The following ABCB1 variants were observed in gnomAD, a reference collection of about 807,000 sequenced individuals.
ABCB1 encodes ATP binding cassette subfamily B member 1.
In ABCB1, 69 loss-of-function variants were observed where a neutral mutation model predicts 142.0. That is an observed-to-expected ratio of 0.49 (90% CI 0.40 to 0.59). ABCB1 has a LOEUF of 0.59. Among genes scored for constraint, ABCB1 ranks in the 20% least tolerant of loss-of-function variants. The pLI, the probability that ABCB1 is intolerant of heterozygous loss-of-function variation, is 0.00. For synonymous variants in ABCB1, 532 were observed against 539.2 expected, an observed-to-expected ratio of 0.99 and a Z score of 0.18; for missense variants, 1,326 against 1,554.7, an observed-to-expected ratio of 0.85 and a Z score of 2.47.
chr7:87,625,982 A>ATATATGTACATATATATG (rs1215638287), intron 1 of ABCB1, among the ~76,000 whole-genome samples: 22 of 146,892 alleles, frequency 1.5e-4, no homozygotes, highest in African/African-American at 5.0e-4. Flanking sequence ...ATATATATAT[A>ATATATGTACATATATATG]TATATGTACA....
intron 1 of ABCB1, among the ~76,000 whole-genome samples, chr7:87,628,257 G>A (rs1038320616): frequency 6.6e-6 from 1 of 152,200 alleles, no homozygotes; most frequent in African/African-American, 2.4e-5. Context: ...CCACGCGTCG[G>A]GGCGGGGCTT....
intron 1 of ABCB1, among the ~76,000 whole-genome samples, chr7:87,681,899 A>C (rs974949153): frequency 6.6e-6 from 1 of 152,140 alleles, no homozygotes; most frequent in African/African-American, 2.4e-5. Context: ...CCTTTCATGA[A>C]AGGTTTCTCT....
At chr7:87,524,485 C>A (rs1328054374) in intron 21 of ABCB1, among the ~76,000 whole-genome samples, 1 of 151,308 alleles carries the variant, frequency 6.6e-6, no homozygotes, top group East Asian at 1.9e-4. Flanking sequence ...ATCGCAAGGA[C>A]AAAAAACCAA....
At chr7:87,659,022 A>C (rs775870814) in intron 1 of ABCB1, among the ~76,000 whole-genome samples, 1 of 152,086 alleles carries the variant, frequency 6.6e-6, no homozygotes, top group Non-Finnish European at 1.5e-5. Flanking sequence ...ACATGGTGAT[A>C]TGCGTCTGTG....
At chr7:87,591,159 T>C (rs1326672806) in intron 3 of ABCB1, among the ~76,000 whole-genome samples, 1 of 151,908 alleles carries the variant, frequency 6.6e-6, no homozygotes, top group African/African-American at 2.4e-5. Context: ...ATGATTGAAG[T>C]AAGAGGTTGG....
intron 1 of ABCB1, among the ~76,000 whole-genome samples, chr7:87,623,074 T>C (rs1471447657): frequency 6.6e-6 from 1 of 152,118 alleles, no homozygotes; most frequent in East Asian, 1.9e-4. Flanking sequence ...ATAATAGATT[T>C]TCTAGCTAAT....
At chr7:87,514,336 G>A (rs1000774866) in intron 25 of ABCB1, among the ~76,000 whole-genome samples, 7 of 152,108 alleles carry the variant, frequency 4.6e-5, no homozygotes, top group African/African-American at 1.7e-4. Flanking sequence ...TAATGAAAAT[G>A]TCTTGCTCTT....
At position 87,522,027 on chromosome 7, in the gene ABCB1, C is replaced by G. The variant is rs1006735052; in HGVS notation, c.2686-1151G>C. 4 of 940,932 alleles carry G rather than the reference C, an allele frequency of 4.3e-6. No individual in the cohort carries two copies. In the African/African-American group the frequency reaches 6.4e-5, roughly 15 times the overall value. 58.3% of individuals were successfully genotyped at this position (940,932 alleles called of 1,614,324 possible). A position where few individuals can be genotyped will look rare whatever the true frequency, so the allele number is the denominator to read the frequency against. On this transcript the variant is annotated intron_variant, in intron 21 of 27. Coordinates refer to ENST00000622132, the MANE Select transcript of ABCB1 (RefSeq NM_001348946.2). ...CTGTCAAAGCAAGAGATGGTGAGTG[C>G]TTCATCCAGCCAAAGAGGCAAAGCA...
At chr7:87,539,441 G>C in intron 18 of ABCB1, 96 bp from the exon 19 acceptor site, 5 of 1,224,912 alleles carry the variant, frequency 4.1e-6, no homozygotes, top group Non-Finnish European at 6.0e-6. Flanking sequence ...ATCAGACAAA[G>C]TCAGAAAGCC....
intron 7 of ABCB1, chr7:87,563,361 A>C: frequency 2.2e-6 from 1 of 454,916 alleles, no homozygotes; most frequent in Non-Finnish European, 4.4e-6. Context: ...ATACAACAAC[A>C]AAAAAACTTT....
rs573094394 is a variant in ABCB1 at position 87,553,796 on chromosome 7, G to A, written c.964C>T (p.Leu322Phe). The A allele has an allele frequency of 1.2e-6, 2 of 1,614,100 alleles. No homozygotes were observed. The highest frequency in any genetic ancestry group is 2.7e-5 in the African/African-American group (2 of 75,020). ...LAFWYGTTLVLSGEYSIGQVL... is the reference protein window; with the variant it reads ...LAFWYGTTLVFSGEYSIGQVL... ...TGTCCAATAGAATATTCCCCTGAGA[G>A]GACCAAGGTGGTCCCATACCAGAAG... is the stretch of plus-strand genomic sequence containing the variant. The change falls in exon 9 of 28, where the codon CTC becomes TTC. Residue 322 changes from leucine (L) to phenylalanine (F), a missense_variant. By Grantham distance (22) the Leu-to-Phe change is conservative. Coordinates refer to ENST00000622132, the MANE Select transcript of ABCB1 (RefSeq NM_001348946.2).
At chr7:87,698,971 C>T (rs544834357) in intron 1 of ABCB1, among the ~76,000 whole-genome samples, 135 of 152,128 alleles carry the variant, frequency 8.9e-4, no homozygotes, top group African/African-American at 3.1e-3. Context: ...TACTAGGGGG[C>T]GATTTTTAAA....
At chr7:87,674,513 G>A (rs1826132284) in intron 1 of ABCB1, among the ~76,000 whole-genome samples, 1 of 152,130 alleles carries the variant, frequency 6.6e-6, no homozygotes, top group African/African-American at 2.4e-5. Flanking sequence ...TACCAGCATG[G>A]GATGGGAGAG....
At chr7:87,547,097 T>C (rs575339416) in intron 14 of ABCB1, among the ~76,000 whole-genome samples, 248 of 152,298 alleles carry the variant, frequency 1.6e-3, no homozygotes, top group African/African-American at 5.7e-3. Flanking sequence ...TCTCTAACCT[T>C]TGTAACTTTC....
At chr7:87,703,315 T>C (rs1263925339) in intron 1 of ABCB1, among the ~76,000 whole-genome samples, 6 of 152,148 alleles carry the variant, frequency 3.9e-5, no homozygotes, top group Non-Finnish European at 8.8e-5. Context: ...TCAAATTAAA[T>C]ATTTTGTAAG....
chr7:87,657,654 A>T (rs769574444), intron 1 of ABCB1, among the ~76,000 whole-genome samples: 1 of 152,068 alleles, frequency 6.6e-6, no homozygotes, highest in African/African-American at 2.4e-5. Flanking sequence ...ATCCAAAAGT[A>T]ATGTGCTGGT....
intron 17 of ABCB1, among the ~76,000 whole-genome samples, chr7:87,541,787 T>C (rs1329081927): frequency 1.3e-5 from 2 of 152,266 alleles, no homozygotes; most frequent in Non-Finnish European, 2.9e-5. Context: ...ACTACATTTA[T>C]GGCAGTTCAT....
At chr7:87,578,920 C>T (rs913159622) in intron 4 of ABCB1, among the ~76,000 whole-genome samples, 10 of 151,956 alleles carry the variant, frequency 6.6e-5, no homozygotes, top group Non-Finnish European at 1.0e-4. Context: ...GTCTCGATCT[C>T]CTGACCTCGT....
intron 4 of ABCB1, among the ~76,000 whole-genome samples, 181 bp downstream of exon 4, chr7:87,585,331 G>A (rs1818694754): frequency 6.6e-6 from 1 of 152,116 alleles, no homozygotes; most frequent in African/African-American, 2.4e-5. Context: ...GTTGTGTGTT[G>A]TAATGCTTGT....
Sources: allele counts gnomAD v4.1 joint callset (sites outside exome capture counted in the v4.1 genomes callset), GRCh38; gene constraint gnomAD v4.1.1; transcripts MANE v1.5; gene names NCBI Gene and HGNC (gene_info 2026-07-23, HGNC 2026-07-21).